PRKN: variants seen among roughly 807,000 people sequenced by gnomAD.
PRKN encodes the protein parkin RBR E3 ubiquitin protein ligase, also known as E3 ubiquitin-protein ligase parkin.
Under a neutral mutation model 59.5 loss-of-function variants are expected in PRKN, and 56 were observed. The ratio of observed to expected loss-of-function variants is 0.94; its 90% confidence interval spans 0.76 to 1.18. The LOEUF (loss-of-function observed/expected upper bound fraction) is 1.18, where lower values mean the gene tolerates loss of function less well. Ranked by LOEUF, PRKN falls within the 50% of genes most tolerant of loss-of-function variation. PRKN has a pLI of 0.00. For missense variants in PRKN, 657 were observed against 596.4 expected (o/e 1.10, Z -1.06); for synonymous variants, 250 against 222.1 (o/e 1.13, Z -1.12).
At chr6:161,655,346 C>T (rs561113218) in intron 7 of PRKN, among the ~76,000 whole-genome samples, 86 of 151,780 alleles carry the variant, frequency 5.7e-4, no homozygotes, top group Middle Eastern at 3.4e-3. Flanking sequence ...AGGCTCTCAC[C>T]GTCATTAGCA....
At chr6:161,686,540 G>A (rs1272815247) in intron 7 of PRKN, among the ~76,000 whole-genome samples, 3 of 152,062 alleles carry the variant, frequency 2.0e-5, no homozygotes, top group African/African-American at 7.2e-5. Flanking sequence ...GTTATTATGG[G>A]TCCAATCTAC....
At chr6:161,929,442 G>T (rs1779086663) in intron 6 of PRKN, among the ~76,000 whole-genome samples, 1 of 151,266 alleles carries the variant, frequency 6.6e-6, no homozygotes, top group South Asian at 2.1e-4. Flanking sequence ...AGTGGTGCTT[G>T]CACAGCATGG....
At position 162,259,533 on chromosome 6, in the gene PRKN, T is replaced by C. The variant is rs1032997093; in HGVS notation, c.412+2992A>G. Among the ~76,000 whole-genome samples, 5 of 152,250 alleles carry C rather than the reference T, an allele frequency of 3.3e-5. No individual in the cohort carries two copies. In the South Asian group the frequency reaches 6.2e-4, roughly 19 times the overall value. On this transcript the variant is annotated intron_variant, in intron 3 of 11. Transcript: ENST00000366898. ...CACATGAGAGTCTGTGAATCTCTGC[T>C]CTAGTAACTTTACGCTATCATTTTT...
chr6:162,452,414 T>C (rs777402605), intron 1 of PRKN, among the ~76,000 whole-genome samples: 3 of 132,994 alleles, frequency 2.3e-5, no homozygotes, highest in Non-Finnish European at 3.2e-5. Flanking sequence ...AAAGCAGAAA[T>C]TCTATTCCAT....
At chr6:162,718,466 C>G (rs1778808127) in intron 1 of PRKN, among the ~76,000 whole-genome samples, 1 of 152,106 alleles carries the variant, frequency 6.6e-6, no homozygotes, top group Non-Finnish European at 1.5e-5. Flanking sequence ...AATCTCAGCA[C>G]TTTGGGAGGC....
Position 161,442,341 on chromosome 6 carries a change from A to G in PRKN, c.1084-55464T>C, listed in dbSNP as rs1297190925. On this transcript the variant is annotated intron_variant, in intron 9 of 11. Transcript: ENST00000366898. The surrounding 1 kb of genome is among the most constrained non-coding windows in gnomAD (Gnocchi z 4.6). The stretch of plus-strand genomic sequence containing the variant: ...AAATGATTAGCACAAAAAATACACC[A>G]TGAAATGAGTTTAAAGTCCTTAATC... 1.3e-5 allele frequency among the ~76,000 whole-genome samples: 2 copies of G among 152,226 alleles called. No homozygotes were observed. The highest frequency in any genetic ancestry group is 4.1e-4 in the South Asian group (2 of 4,824).
At chr6:162,550,558 A>G (rs1176417476) in intron 1 of PRKN, among the ~76,000 whole-genome samples, 1 of 152,182 alleles carries the variant, frequency 6.6e-6, no homozygotes, top group Non-Finnish European at 1.5e-5. Context: ...GGGGTATGTA[A>G]GTCACCAGGC....
At chr6:161,366,030 C>G (rs960939647) in intron 10 of PRKN, among the ~76,000 whole-genome samples, 1 of 152,156 alleles carries the variant, frequency 6.6e-6, no homozygotes, top group Non-Finnish European at 1.5e-5. Flanking sequence ...ACTTCTTCCC[C>G]GGATCGATAT....
intron 1 of PRKN, among the ~76,000 whole-genome samples, chr6:162,725,675 A>C (rs959971624): frequency 4.0e-5 from 6 of 151,820 alleles, no homozygotes; most frequent in Non-Finnish European, 7.4e-5. Context: ...AGATGGGAGG[A>C]TCACTTGAGC....
chr6:161,510,217 T>C (rs1778334900), intron 9 of PRKN, among the ~76,000 whole-genome samples: 1 of 152,236 alleles, frequency 6.6e-6, no homozygotes, highest in Admixed American at 6.5e-5. Context: ...CCAGATGCAG[T>C]GGCTACTAAA....
chr6:162,294,737 TA>T (rs367932933), intron 2 of PRKN, among the ~76,000 whole-genome samples: 2,885 of 145,454 alleles, frequency 0.02, 41 homozygotes, highest in South Asian at 0.048. Context: ...AGAATAAGAG[TA>T]AAAAAAAAGA....
chr6:161,784,839 A>G (rs1790349246), intron 7 of PRKN, among the ~76,000 whole-genome samples: 1 of 152,246 alleles, frequency 6.6e-6, no homozygotes, highest in Non-Finnish European at 1.5e-5. Context: ...ATAATAGCCA[A>G]AAAGACGGAA....
At chr6:162,470,003 G>C (rs1027985145) in intron 1 of PRKN, among the ~76,000 whole-genome samples, 4 of 152,150 alleles carry the variant, frequency 2.6e-5, no homozygotes, top group African/African-American at 9.7e-5. Flanking sequence ...CGATCCTAGG[G>C]CACAGGACTA....
intron 2 of PRKN, among the ~76,000 whole-genome samples, chr6:162,320,742 A>G (rs1782985892): frequency 6.6e-6 from 1 of 151,808 alleles, no homozygotes; most frequent in South Asian, 2.1e-4. Flanking sequence ...CCCAAAAGAA[A>G]TGAAAGTTTA....
At chr6:162,369,195 A>T (rs1366131794) in intron 2 of PRKN, among the ~76,000 whole-genome samples, 1 of 152,244 alleles carries the variant, frequency 6.6e-6, no homozygotes, top group Non-Finnish European at 1.5e-5. Context: ...GAAATAAAAC[A>T]GGAAACTTTC....
chr6:161,545,126 T>C lies in PRKN; in HGVS notation c.1083+3728A>G. ...AATGACAGAGAATTTGGTTTTCAACTTTTTTATACGCGATTTTTTTTGTAA... is the reference window on the plus strand; with the variant it reads ...AATGACAGAGAATTTGGTTTTCAACCTTTTTATACGCGATTTTTTTTGTAA... On this transcript the variant is annotated intron_variant, in intron 9 of 11. Transcript: ENST00000366898. The surrounding 1 kb of genome is among the most constrained non-coding windows in gnomAD (Gnocchi z 4.1). The C allele has an allele frequency of 7.9e-7, 1 of 1,272,674 alleles. No homozygotes were observed. Among genetic ancestry groups the C allele is most frequent in the Non-Finnish European group, 9.9e-7 (1 of 1,009,414 alleles). 78.8% of individuals were successfully genotyped at this position (1,272,674 alleles called of 1,614,324 possible).
chr6:162,192,454 T>TG (rs1784322342), intron 4 of PRKN, among the ~76,000 whole-genome samples: 1 of 133,786 alleles, frequency 7.5e-6, no homozygotes, highest in Non-Finnish European at 1.6e-5. Flanking sequence ...TTTTTTTTTT[T>TG]TTTTTTTTTT....
At chr6:161,905,726 C>T (rs991130046) in intron 6 of PRKN, among the ~76,000 whole-genome samples, 6 of 151,546 alleles carry the variant, frequency 4.0e-5, no homozygotes, top group East Asian at 1.9e-4. Context: ...TTGGAGAGGC[C>T]GAGGTGGGCG....
At chr6:162,112,612 T>C (rs1026300188) in intron 4 of PRKN, among the ~76,000 whole-genome samples, 1 of 152,084 alleles carries the variant, frequency 6.6e-6, no homozygotes, top group Admixed American at 6.6e-5. Context: ...AGGTCTTCCA[T>C]CACACTTTAG....
Sources: allele counts gnomAD v4.1 joint callset (sites outside exome capture counted in the v4.1 genomes callset), GRCh38; gene constraint gnomAD v4.1.1; non-coding constraint Gnocchi (gnomAD v3.1); transcripts MANE v1.5; gene names NCBI Gene and HGNC (gene_info 2026-07-23, HGNC 2026-07-21).